Variants in POPDC1 observed in about 807,000 individuals in gnomAD.
POPDC1 encodes popeye domain-containing protein 1.
At chr6:105,108,290 T>C in the POPDC1 span, among the ~76,000 whole-genome samples, 8 of 152,050 alleles carry the variant, frequency 5.3e-5, no homozygotes, top group African/African-American at 1.9e-4. Flanking sequence ...CAGAGAATAA[T>C]CCATCCAGGA....
chr6:105,102,324 T>C, the POPDC1 span, among the ~76,000 whole-genome samples: 1 of 152,214 alleles, frequency 6.6e-6, no homozygotes, highest in East Asian at 1.9e-4. Context: ...TCAGCTGTCA[T>C]TCACTGGCAG....
At chr6:105,100,564 A>ATGTGTG in the POPDC1 span, 1 of 140,636 alleles carries the variant, frequency 7.1e-6, no homozygotes, top group African/African-American at 2.7e-5. Flanking sequence ...ATATATATAT[A>ATGTGTG]TATATGTATG....
the POPDC1 span, among the ~76,000 whole-genome samples, chr6:105,123,684 G>T: frequency 6.6e-6 from 1 of 152,180 alleles, no homozygotes; most frequent in African/African-American, 2.4e-5. Context: ...GAGCCACCGT[G>T]CCCGGCTGGA....
the POPDC1 span, chr6:105,115,837 A>G: frequency 1.9e-6 from 3 of 1,612,558 alleles, no homozygotes; most frequent in East Asian, 2.2e-5. Flanking sequence ...TCTACAAAGC[A>G]AAGTTTTAAG....
chr6:105,107,436 ATTTG>A, the POPDC1 span, among the ~76,000 whole-genome samples: 10 of 152,358 alleles, frequency 6.6e-5, no homozygotes, highest in African/African-American at 2.2e-4. Context: ...AAACAGACAT[ATTTG>A]TTTTTCTTAA....
the POPDC1 span, among the ~76,000 whole-genome samples, chr6:105,134,463 C>A: frequency 6.6e-6 from 1 of 152,068 alleles, no homozygotes; most frequent in Non-Finnish European, 1.5e-5. Context: ...TTGGTCCTTG[C>A]CAAACACTAT....
the POPDC1 span, among the ~76,000 whole-genome samples, chr6:105,115,360 T>C: frequency 6.6e-5 from 10 of 152,096 alleles, no homozygotes; most frequent in Non-Finnish European, 1.5e-5. Context: ...AGTGCTGATC[T>C]GCCCGCCTCA....
the POPDC1 span, among the ~76,000 whole-genome samples, chr6:105,116,174 T>G: frequency 2.8e-3 from 426 of 152,304 alleles, no homozygotes; most frequent in South Asian, 7.9e-3. Flanking sequence ...AAACGACGTT[T>G]TTAAAAATTC....
At chr6:105,131,756 T>C in the POPDC1 span, among the ~76,000 whole-genome samples, 2 of 152,162 alleles carry the variant, frequency 1.3e-5, no homozygotes, top group Non-Finnish European at 2.9e-5. Context: ...AGTGTTAGAT[T>C]TGATAATATC....
At chr6:105,131,252 T>C in the POPDC1 span, among the ~76,000 whole-genome samples, 1 of 152,182 alleles carries the variant, frequency 6.6e-6, no homozygotes, top group Non-Finnish European at 1.5e-5. Flanking sequence ...ATTTAAATAT[T>C]CTTTAAGTAA....
the POPDC1 span, among the ~76,000 whole-genome samples, chr6:105,130,078 A>C: frequency 4.6e-5 from 7 of 152,150 alleles, no homozygotes; most frequent in Admixed American, 2.6e-4. Context: ...AAAGTTTAAA[A>C]ATATTTTTAA....
chr6:105,124,404 A>C, the POPDC1 span: 1 of 580,998 alleles, frequency 1.7e-6, no homozygotes, highest in Non-Finnish European at 2.9e-6. Flanking sequence ...AAAAAAAAAA[A>C]AAAAGAGACA....
chr6:105,130,693 A>G, the POPDC1 span, among the ~76,000 whole-genome samples: 1 of 152,202 alleles, frequency 6.6e-6, no homozygotes, highest in Non-Finnish European at 1.5e-5. Context: ...ATAAACCAAT[A>G]AAGTACAGCT....
chr6:105,097,167 CT>C, the POPDC1 span: 139 of 152,246 alleles, frequency 9.1e-4, no homozygotes, highest in African/African-American at 3.2e-3. Context: ...AGCGTGTCCC[CT>C]GATGAGCAGA....
the POPDC1 span, chr6:105,125,304 C>T: frequency 2.1e-6 from 3 of 1,447,248 alleles, no homozygotes; most frequent in South Asian, 3.7e-5. Flanking sequence ...CATTCATTGG[C>T]AACATTTCCT....
At chr6:105,114,148 T>A in the POPDC1 span, among the ~76,000 whole-genome samples, 2 of 152,214 alleles carry the variant, frequency 1.3e-5, no homozygotes, top group African/African-American at 4.8e-5. Context: ...CACAATTTAG[T>A]TGCCTTTTCA....
chr6:105,108,158 A>G, the POPDC1 span, among the ~76,000 whole-genome samples: 4 of 152,142 alleles, frequency 2.6e-5, no homozygotes, highest in Non-Finnish European at 4.4e-5. Flanking sequence ...GCAGCCAAGG[A>G]GGAGCAAAAG....
chr6:105,109,319 T>C, the POPDC1 span, among the ~76,000 whole-genome samples: 6 of 152,174 alleles, frequency 3.9e-5, no homozygotes, highest in African/African-American at 1.4e-4. Flanking sequence ...TTAGGTGTAT[T>C]GTTTAATGTT....
chr6:105,124,720 T>C, the POPDC1 span: 1 of 1,141,772 alleles, frequency 8.8e-7, no homozygotes, highest in Non-Finnish European at 1.3e-6. Flanking sequence ...TCCTTAAAAC[T>C]GCTATCATCT....
Sources: gnomAD v4.1 joint callset for allele counts (sites outside exome capture counted in the v4.1 genomes callset) on GRCh38, gnomAD v4.1.1 for gene constraint, MANE v1.5 for transcripts, NCBI Gene and HGNC (gene_info 2026-07-23, HGNC 2026-07-21) for gene names.